MGAT4C: variants seen among roughly 807,000 people sequenced by gnomAD.
MGAT4C encodes the protein alpha-1,3-mannosyl-glycoprotein 4-beta-N-acetylglucosaminyltransferase C.
Under a neutral mutation model 40.1 loss-of-function variants are expected in MGAT4C, and 19 were observed. The observed-to-expected ratio is 0.47, with a 90% CI of 0.33 to 0.70. The LOEUF is 0.70. Among genes scored for constraint, MGAT4C ranks in the 30% least tolerant of loss-of-function variants. The pLI is 0.02. For synonymous variants in MGAT4C, 181 were observed against 187.1 expected (o/e 0.97, Z 0.27); for missense variants, 491 against 563.2 (o/e 0.87, Z 1.30).
intron 2 of MGAT4C, among the ~76,000 whole-genome samples, chr12:86,630,631 A>C (rs746227896): frequency 6.6e-6 from 1 of 152,224 alleles, no homozygotes; most frequent in Non-Finnish European, 1.5e-5. Flanking sequence ...CCATCACATA[A>C]ACAGAACCAA....
At chr12:86,683,679 T>C (rs1279812108) in intron 2 of MGAT4C, among the ~76,000 whole-genome samples, 2 of 152,188 alleles carry the variant, frequency 1.3e-5, no homozygotes, top group East Asian at 3.9e-4. Context: ...AAAATCTTCC[T>C]ATATTTCTTT....
At chr12:86,370,151 T>C (rs1955687650) in intron 3 of MGAT4C, among the ~76,000 whole-genome samples, 1 of 152,014 alleles carries the variant, frequency 6.6e-6, no homozygotes, top group Non-Finnish European at 1.5e-5. Context: ...AGTACCAACT[T>C]TGTAACATTT....
At chr12:86,613,868 ATATTT>A (rs1302376045) in intron 2 of MGAT4C, among the ~76,000 whole-genome samples, 2 of 152,166 alleles carry the variant, frequency 1.3e-5, no homozygotes, top group Non-Finnish European at 2.9e-5. Flanking sequence ...CATTTAAAAC[ATATTT>A]TATTTATTTT....
intron 2 of MGAT4C, among the ~76,000 whole-genome samples, chr12:86,680,014 C>G (rs925453519): frequency 6.6e-6 from 1 of 151,918 alleles, no homozygotes; most frequent in Non-Finnish European, 1.5e-5. Context: ...TCACACAGGT[C>G]TTCCCTCTTG....
In MGAT4C at chr12:86,355,874, C is replaced by T. The variant is rs117500272; in HGVS notation, c.-119-21747G>A. On this transcript the variant is annotated intron_variant, in intron 3 of 7. Transcript: ENST00000548651. The stretch of plus-strand genomic sequence containing the variant: ...AAATAGGCTGTATTTTGCCTCTGTA[C>T]GTTCCTTAAACTTAATTTTATAACT... Among the ~76,000 whole-genome samples, 194 of 152,080 alleles carry T rather than the reference C, an allele frequency of 1.3e-3. 1 individual carries two copies. The East Asian group carries it at 0.023, about 18-fold the overall frequency.
rs893132499 is a variant in MGAT4C at position 85,959,152 on chromosome 12, A to C, written c.*20137T>G. The C allele has an allele frequency of 6.6e-6, 1 of 152,088 alleles. No homozygotes were observed. The highest frequency in any genetic ancestry group is 2.4e-5 in the African/African-American group (1 of 41,448). The allele number at this position is 152,088 out of a possible 1,614,324, so 9.4% of individuals were successfully genotyped here. Reference sequence around the variant, plus strand: ...TCTACCTGATAAAGTGGTGGAATAAAGATGGTATTTTCCATAACTGTTTAA... The same window carrying C: ...TCTACCTGATAAAGTGGTGGAATAACGATGGTATTTTCCATAACTGTTTAA... On this transcript the variant is annotated 3_prime_UTR_variant, in exon 5 of 5. Transcript: ENST00000611864.
At chr12:86,830,379 C>T (rs543291199) in intron 1 of MGAT4C, among the ~76,000 whole-genome samples, 11 of 151,750 alleles carry the variant, frequency 7.2e-5, no homozygotes, top group African/African-American at 2.4e-4. Flanking sequence ...TGTTTCGGTA[C>T]CTGTAAGGCT....
intron 3 of MGAT4C, 109 bp downstream of exon 3, chr12:85,989,291 A>T: frequency 9.1e-7 from 1 of 1,094,430 alleles, no homozygotes; most frequent in Non-Finnish European, 1.2e-6. Flanking sequence ...TTTTGCTCAA[A>T]CTAAGTCTTC....
At chr12:86,382,676 G>T (rs368797177) in intron 3 of MGAT4C, among the ~76,000 whole-genome samples, 5 of 152,166 alleles carry the variant, frequency 3.3e-5, no homozygotes, top group Non-Finnish European at 7.3e-5. Flanking sequence ...CAGGGTCCCC[G>T]TGCTGTGTGC....
chr12:86,651,563 C>T (rs147143398), intron 2 of MGAT4C, among the ~76,000 whole-genome samples: 3 of 151,850 alleles, frequency 2.0e-5, no homozygotes, highest in African/African-American at 4.8e-5. Context: ...CAAGTAAATA[C>T]AATAACTAAA....
chr12:86,698,679 G>A (rs564196142), intron 2 of MGAT4C, among the ~76,000 whole-genome samples: 3 of 149,052 alleles, frequency 2.0e-5, no homozygotes, highest in African/African-American at 2.5e-5. Flanking sequence ...GCTGAGCTGT[G>A]GGGGGGGTGG....
intron 1 of MGAT4C, among the ~76,000 whole-genome samples, chr12:86,136,534 T>G (rs965693361): frequency 1.3e-5 from 2 of 152,164 alleles, no homozygotes; most frequent in African/African-American, 4.8e-5. Flanking sequence ...CACGAAGACG[T>G]TATGCAATGT....
At chr12:86,528,756 G>A (rs1306093149) in intron 2 of MGAT4C, among the ~76,000 whole-genome samples, 3 of 151,826 alleles carry the variant, frequency 2.0e-5, no homozygotes, top group Admixed American at 1.3e-4. Flanking sequence ...GTATGATTCA[G>A]CCCTTTTGTT....
intron 2 of MGAT4C, among the ~76,000 whole-genome samples, chr12:86,566,962 C>T (rs569948706): frequency 3.9e-5 from 6 of 151,950 alleles, no homozygotes; most frequent in Admixed American, 6.6e-5. Context: ...AGTGGGCTCA[C>T]GCTCATGGAA....
At chr12:86,335,366 A>T (rs940958390) in intron 3 of MGAT4C, among the ~76,000 whole-genome samples, 2 of 152,158 alleles carry the variant, frequency 1.3e-5, no homozygotes, top group Non-Finnish European at 2.9e-5. Context: ...ATCCAGAGAT[A>T]CATCCCTTTG....
chr12:86,118,589 G>A (rs757146576), intron 1 of MGAT4C, among the ~76,000 whole-genome samples: 82 of 152,192 alleles, frequency 5.4e-4, no homozygotes, highest in Admixed American at 2.6e-3. Flanking sequence ...GTTTCTTCTC[G>A]TCAAGCCAAT....
intron 2 of MGAT4C, among the ~76,000 whole-genome samples, chr12:86,047,659 C>T (rs769104800): frequency 3.3e-5 from 5 of 151,888 alleles, no homozygotes; most frequent in South Asian, 2.1e-4. Context: ...AACCTCATGG[C>T]GAAAAAGGGT....
intron 1 of MGAT4C, among the ~76,000 whole-genome samples, chr12:86,161,212 GA>G (rs1885551351): frequency 6.6e-6 from 1 of 151,956 alleles, no homozygotes; most frequent in African/African-American, 2.4e-5. Context: ...GCAATCCTAA[GA>G]AAAAGAACAA....
At chr12:86,025,125 G>T (rs938687771) in intron 2 of MGAT4C, among the ~76,000 whole-genome samples, 1 of 150,954 alleles carries the variant, frequency 6.6e-6, no homozygotes, top group African/African-American at 2.4e-5. Context: ...TTTATTACCA[G>T]GTCCCTAAAT....
Sources: gnomAD v4.1 joint callset for allele counts (sites outside exome capture counted in the v4.1 genomes callset) on GRCh38, gnomAD v4.1.1 for gene constraint, MANE v1.5 for transcripts, NCBI Gene and HGNC (gene_info 2026-07-23, HGNC 2026-07-21) for gene names.